ZRANB3: variants seen among roughly 807,000 people sequenced by gnomAD.
The protein encoded by ZRANB3 is DNA annealing helicase and endonuclease ZRANB3.
Under a neutral mutation model 133.8 loss-of-function variants are expected in ZRANB3, and 125 were observed. The observed-to-expected ratio is 0.93, with a 90% CI of 0.81 to 1.08. ZRANB3 has a LOEUF of 1.08. Among genes scored for constraint, ZRANB3 ranks in the 50% least tolerant of loss-of-function variants. ZRANB3 has a pLI of 0.00. For synonymous variants in ZRANB3, 387 were observed against 432.7 expected (o/e 0.89, Z 1.31); for missense variants, 1,229 against 1,275.5 (o/e 0.96, Z 0.56).
At chr2:135,368,681 A>G (rs889553679) in intron 3 of ZRANB3, among the ~76,000 whole-genome samples, 3 of 151,980 alleles carry the variant, frequency 2.0e-5, no homozygotes, top group African/African-American at 7.2e-5. Flanking sequence ...GAGGAGATGG[A>G]TACCCCATTT....
intron 1 of ZRANB3, among the ~76,000 whole-genome samples, chr2:135,520,961 T>G (rs1157000187): frequency 6.6e-6 from 1 of 152,208 alleles, no homozygotes; most frequent in Non-Finnish European, 1.5e-5. Flanking sequence ...TTCAGATTAA[T>G]GATAAAATAA....
chr2:135,445,425 A>T (rs1689975003), intron 2 of ZRANB3, among the ~76,000 whole-genome samples: 1 of 152,032 alleles, frequency 6.6e-6, no homozygotes. Context: ...CCTGGGTGAC[A>T]CAGTGAAACT....
chr2:135,504,819 T>C (rs1286499432), intron 1 of ZRANB3, among the ~76,000 whole-genome samples: 1 of 152,142 alleles, frequency 6.6e-6, no homozygotes, highest in Non-Finnish European at 1.5e-5. Context: ...ACAAATCGAA[T>C]AATTTTTAAA....
chr2:135,353,767 GATGC>G, intron 3 of ZRANB3, 139 bp from the exon 4 acceptor site: 4 of 470,886 alleles, frequency 8.5e-6, no homozygotes, highest in African/African-American at 2.0e-5. Context: ...TTGGGAGGCT[GATGC>G]AGGTGGATCG....
intron 3 of ZRANB3, among the ~76,000 whole-genome samples, chr2:135,380,866 A>C (rs911248847): frequency 6.6e-6 from 1 of 152,148 alleles, no homozygotes; most frequent in East Asian, 1.9e-4. Context: ...AAAATCAGTT[A>C]AGGGCGGTTC....
chr2:135,250,876 C>G (rs13411317), intron 12 of ZRANB3, among the ~76,000 whole-genome samples: 1 of 152,196 alleles, frequency 6.6e-6, no homozygotes, highest in African/African-American at 2.4e-5. Context: ...AGTCCTCACA[C>G]AGAGTCCCTA....
intron 2 of ZRANB3, among the ~76,000 whole-genome samples, chr2:135,418,647 T>C (rs1253847139): frequency 6.6e-6 from 1 of 152,120 alleles, no homozygotes; most frequent in Non-Finnish European, 1.5e-5. Context: ...TGAGAATGGA[T>C]GATAGCCTCA....
At chr2:135,504,013 G>A (rs1250734297) in intron 2 of ZRANB3, among the ~76,000 whole-genome samples, 1 of 151,906 alleles carries the variant, frequency 6.6e-6, no homozygotes, top group Admixed American at 6.6e-5. Context: ...AAAAAACGAT[G>A]GAAATAAGTT....
rs1676485607 is a variant in ZRANB3, at chr2:135,403,440, A to G, written c.162-12620T>C. ...CGCCATTGCGGAGGCTTGAGTAGGT[A>G]AACAAACCAGCCTGGAAGCTCCAAC... On this transcript the variant is annotated intron_variant, in intron 2 of 20. Coordinates refer to ENST00000264159, the MANE Select transcript of ZRANB3 (RefSeq NM_032143.4). 2.0e-5 allele frequency among the ~76,000 whole-genome samples: 3 copies of G among 152,218 alleles called. No homozygotes were observed. In the South Asian group the frequency reaches 6.2e-4, roughly 32 times the overall value.
In ZRANB3 at chr2:135,241,186, G is replaced by A. The variant is rs1417873975; in HGVS notation, c.1540-10259C>T. Among the ~76,000 whole-genome samples the A allele has an allele frequency of 3.3e-5, 5 of 151,774 alleles. No individual in the cohort carries two copies. In the East Asian group the frequency reaches 9.6e-4, roughly 29 times the overall value. ...TTCTCTTTTTCTGGCATTCCTATTA[G>A]TAGAATGTTAGACTTACACATTTAT... On this transcript the variant is annotated intron_variant, in intron 12 of 20. Coordinates refer to ENST00000264159, the MANE Select transcript of ZRANB3 (RefSeq NM_032143.4).
At chr2:135,466,382 CAAAAAAAAAAAAAA>C (rs553890734) in intron 2 of ZRANB3, among the ~76,000 whole-genome samples, 8 of 28,216 alleles carry the variant, frequency 2.8e-4, no homozygotes, top group Non-Finnish European at 6.7e-4. Context: ...GACTCCGTCA[CAAAAAAAAAAAAAA>C]AAAAAAAAAA....
In ZRANB3 at chr2:135,202,849, T is replaced by C; in HGVS notation, c.3124A>G (p.Thr1042Ala). The C allele has an allele frequency of 6.2e-7, 1 of 1,609,230 alleles. No homozygotes were observed. Among genetic ancestry groups the C allele is most frequent in the Non-Finnish European group, 8.5e-7 (1 of 1,177,748 alleles). The change falls in exon 20 of 21, where the codon ACA becomes GCA. Residue 1042 changes from threonine (T) to alanine (A), a missense_variant. Physicochemically the swap from Thr to Ala is moderately conservative, Grantham distance 58. Coordinates refer to ENST00000264159, the MANE Select transcript of ZRANB3 (RefSeq NM_032143.4). ...CSLDNLQTLC[T>A]VCHKERTARQ... ...TCACTGACCTCTTTGTGACAGACTGTGCAGAGAGTCTGCAGGTTGTCCAGG... is the reference window on the plus strand; with the variant it reads ...TCACTGACCTCTTTGTGACAGACTGCGCAGAGAGTCTGCAGGTTGTCCAGG...
rs75327888 is a variant in ZRANB3 at position 135,309,745 on chromosome 2, C to T, written c.966+3744G>A. On this transcript the variant is annotated intron_variant, in intron 8 of 20. Coordinates refer to ENST00000264159, the MANE Select transcript of ZRANB3 (RefSeq NM_032143.4). The stretch of plus-strand genomic sequence containing the variant: ...AGTGAACGATACTCTTTTCAGGGAC[C>T]AGAAGACTAAATATTATTCAGAAGT... Among the ~76,000 whole-genome samples the T allele has an allele frequency of 7.2e-5, 11 of 152,120 alleles. No individual in the cohort carries two copies. The East Asian group carries it at 1.9e-3, about 27-fold the overall frequency.
chr2:135,391,960 A>C (rs769867804), intron 2 of ZRANB3, among the ~76,000 whole-genome samples: 1 of 152,118 alleles, frequency 6.6e-6, no homozygotes, highest in Non-Finnish European at 1.5e-5. Context: ...AATTCTATGC[A>C]ATGATAATTG....
In ZRANB3 at chr2:135,529,696, G is replaced by A. The variant is rs763805935; in HGVS notation, c.-8+1431C>T. On this transcript the variant is annotated intron_variant, in intron 1 of 20. Coordinates refer to ENST00000264159, the MANE Select transcript of ZRANB3 (RefSeq NM_032143.4). ...GCTAATGTGTGTGTGTGAGTTTTTAGCAGACACAAGATTTCACCATGTTGC... is the reference window on the plus strand; with the variant it reads ...GCTAATGTGTGTGTGTGAGTTTTTAACAGACACAAGATTTCACCATGTTGC... Among the ~76,000 whole-genome samples, 113 of 151,674 alleles carry A rather than the reference G, an allele frequency of 7.5e-4. 3 individuals carry two copies. The highest frequency in any genetic ancestry group is 2.5e-4 in the Non-Finnish European group (17 of 67,886).
At chr2:135,496,129 T>C (rs2104812521) in intron 2 of ZRANB3, among the ~76,000 whole-genome samples, 1 of 152,224 alleles carries the variant, frequency 6.6e-6, no homozygotes, top group South Asian at 2.1e-4. Context: ...ATGCCTGTAA[T>C]CCCACCACTT....
intron 12 of ZRANB3, among the ~76,000 whole-genome samples, chr2:135,231,483 G>A (rs1261901383): frequency 1.3e-5 from 2 of 152,116 alleles, no homozygotes; most frequent in Admixed American, 1.3e-4. Context: ...AATTAGGCTG[G>A]GTGCGGTGGC....
chr2:135,506,414 T>C (rs938349386), intron 1 of ZRANB3, among the ~76,000 whole-genome samples: 1 of 151,622 alleles, frequency 6.6e-6, no homozygotes, highest in South Asian at 2.1e-4. Flanking sequence ...CAAAAGCCAA[T>C]GTGGCTGATG....
chr2:135,356,546 T>C (rs1336614580), intron 3 of ZRANB3, among the ~76,000 whole-genome samples: 1 of 152,222 alleles, frequency 6.6e-6, no homozygotes, highest in Non-Finnish European at 1.5e-5. Context: ...TTTATTTGAT[T>C]AGAAGTTTGA....
Sources: allele counts gnomAD v4.1 joint callset (sites outside exome capture counted in the v4.1 genomes callset), GRCh38; gene constraint gnomAD v4.1.1; transcripts MANE v1.5; gene names NCBI Gene and HGNC (gene_info 2026-07-23, HGNC 2026-07-21).